The following BTBD16 variants were observed in gnomAD, a reference collection of about 807,000 sequenced individuals.
The protein encoded by BTBD16 is BTB/POZ domain-containing protein 16.
In BTBD16, 66 loss-of-function variants were observed where a neutral mutation model predicts 67.4. That is an observed-to-expected ratio of 0.98 (90% confidence interval 0.80 to 1.20). The LOEUF (loss-of-function observed/expected upper bound fraction) is 1.20, where lower values mean the gene tolerates loss of function less well. Among genes scored for constraint, BTBD16 ranks in the 50% most tolerant of loss-of-function variants. The probability of loss-of-function intolerance (pLI) is 0.00; values close to 1 mark genes in which losing one functional copy is unlikely to be tolerated. For synonymous variants in BTBD16, 242 were observed against 236.4 expected, an observed-to-expected ratio of 1.02 and a Z score of -0.22; for missense variants, 634 against 616.0, an observed-to-expected ratio of 1.03 and a Z score of -0.31.
chr10:122,303,712 C>T, intron 9 of BTBD16: 1 of 851,882 alleles, frequency 1.2e-6, no homozygotes, highest in South Asian at 5.4e-5. Flanking sequence ...AGAACAATTA[C>T]CATTTACATT....
intron 10 of BTBD16, chr10:122,328,675 G>A (rs1269680531): frequency 1.2e-6 from 1 of 835,138 alleles, no homozygotes; most frequent in Non-Finnish European, 1.4e-6. Context: ...CCTTGAGGGA[G>A]TGACTGCATT....
At chr10:122,325,589 G>A (rs985429416) in intron 10 of BTBD16, among the ~76,000 whole-genome samples, 1 of 152,110 alleles carries the variant, frequency 6.6e-6, no homozygotes, top group African/African-American at 2.4e-5. Flanking sequence ...ATGATGTGGG[G>A]GTGGCAGCAG....
Position 122,326,657 on chromosome 10 carries a change from C to T in BTBD16, c.912-2823C>T, listed in dbSNP as rs1373263332. Among the ~76,000 whole-genome samples, 3 of 152,266 alleles carry T rather than the reference C, an allele frequency of 2.0e-5. No individual in the cohort carries two copies. In the East Asian group the frequency reaches 5.8e-4, roughly 29 times the overall value. On this transcript the variant is annotated intron_variant, in intron 10 of 15. Coordinates refer to ENST00000260723, the MANE Select transcript of BTBD16 (RefSeq NM_144587.5). The stretch of plus-strand genomic sequence containing the variant: ...TACCCATCAGAGGGAGACTTGTCCC[C>T]AGGTACTGTCTTTCCGAGTCTATGG...
rs143927279 is a variant in BTBD16, at chr10:122,297,152, G to C, written c.591-616G>C. ...AACCCTTAACATGACTGCCAAATGT[G>C]GTTATCTGTCTGAAAGTTGACTTAA... On this transcript the variant is annotated intron_variant, in intron 7 of 15. Coordinates refer to ENST00000260723, the MANE Select transcript of BTBD16 (RefSeq NM_144587.5). 6.8e-3 allele frequency among the ~76,000 whole-genome samples: 1,038 copies of C among 152,286 alleles called. 7 individuals carry two copies. The highest frequency in any genetic ancestry group is 0.012 in the Non-Finnish European group (803 of 68,032).
intron 10 of BTBD16, among the ~76,000 whole-genome samples, chr10:122,308,465 G>A (rs1252546987): frequency 6.6e-6 from 1 of 152,086 alleles, no homozygotes; most frequent in Non-Finnish European, 1.5e-5. Flanking sequence ...TTTCTTCGTT[G>A]GAAACCATTT....
intron 10 of BTBD16, among the ~76,000 whole-genome samples, chr10:122,308,982 G>T (rs2096408623): frequency 6.6e-6 from 1 of 152,160 alleles, no homozygotes; most frequent in Admixed American, 6.5e-5. Context: ...GAGCTGCTCT[G>T]CCCAGCCCCT....
intron 10 of BTBD16, among the ~76,000 whole-genome samples, chr10:122,313,556 C>T (rs1211836909): frequency 1.3e-5 from 2 of 152,196 alleles, no homozygotes; most frequent in Non-Finnish European, 1.5e-5. Context: ...AGCCACTGGG[C>T]CTGGCCTATA....
chr10:122,323,542 G>A (rs978359238), intron 10 of BTBD16, among the ~76,000 whole-genome samples: 2 of 152,184 alleles, frequency 1.3e-5, no homozygotes, highest in Non-Finnish European at 2.9e-5. Context: ...AAATTGGTCA[G>A]TATTATTAGA....
At chr10:122,333,728 A>T (rs2096458543) in intron 13 of BTBD16, among the ~76,000 whole-genome samples, 1 of 152,148 alleles carries the variant, frequency 6.6e-6, no homozygotes, top group Admixed American at 6.5e-5. Context: ...AGCCATGTGC[A>T]GCCTAAATAT....
chr10:122,326,249 A>G (rs1449476357), intron 10 of BTBD16, among the ~76,000 whole-genome samples: 1 of 152,158 alleles, frequency 6.6e-6, no homozygotes, highest in Non-Finnish European at 1.5e-5. Context: ...TGTTCAGTTC[A>G]GTGGCGTTAA....
intron 14 of BTBD16, 124 bp from the exon 15 acceptor site, chr10:122,336,370 G>T (rs2096463207): frequency 1.2e-6 from 1 of 808,370 alleles, no homozygotes; most frequent in Non-Finnish European, 1.8e-6. Flanking sequence ...GGTGCCAATT[G>T]GGAAATGCCC....
intron 5 of BTBD16, among the ~76,000 whole-genome samples, chr10:122,289,514 A>G (rs2096369888): frequency 6.6e-6 from 1 of 152,134 alleles, no homozygotes; most frequent in African/African-American, 2.4e-5. Flanking sequence ...TGAGGCTGGC[A>G]GATCACCTGA....
At chr10:122,332,387 C>T (rs372654405) in intron 12 of BTBD16, 49 bp from the exon 13 acceptor site, 10 of 1,578,164 alleles carry the variant, frequency 6.3e-6, no homozygotes, top group South Asian at 1.1e-5. Flanking sequence ...GAGAGGCGCT[C>T]GTGTCCAGAG....
At chr10:122,326,892 C>A (rs887176890) in intron 10 of BTBD16, among the ~76,000 whole-genome samples, 1 of 152,216 alleles carries the variant, frequency 6.6e-6, no homozygotes, top group East Asian at 1.9e-4. Context: ...AGCGCAGTAC[C>A]AGGGAAACCA....
intron 9 of BTBD16, among the ~76,000 whole-genome samples, chr10:122,304,922 T>TC (rs2096400907): frequency 6.6e-6 from 1 of 152,120 alleles, no homozygotes; most frequent in Non-Finnish European, 1.5e-5. Flanking sequence ...CTGCACAGGC[T>TC]CTGGAGCTAG....
At chr10:122,278,511 G>T (rs1035263092) in intron 3 of BTBD16, among the ~76,000 whole-genome samples, 1 of 152,210 alleles carries the variant, frequency 6.6e-6, no homozygotes, top group Admixed American at 6.5e-5. Context: ...TTAGTAAACA[G>T]AACTATTTTC....
chr10:122,335,386 C>T (rs1418376541), intron 14 of BTBD16, among the ~76,000 whole-genome samples: 1 of 152,224 alleles, frequency 6.6e-6, no homozygotes, highest in Non-Finnish European at 1.5e-5. Flanking sequence ...GCAAAGCAGG[C>T]TGTGGGCAGG....
At chr10:122,332,931 T>C (rs2096457553) in intron 13 of BTBD16, 5 of 985,300 alleles carry the variant, frequency 5.1e-6, no homozygotes, top group Non-Finnish European at 6.0e-6. Flanking sequence ...GTGAACTCAG[T>C]CTGGGCAGCT....
chr10:122,322,612 C>G (rs2096437520), intron 10 of BTBD16, among the ~76,000 whole-genome samples: 1 of 152,198 alleles, frequency 6.6e-6, no homozygotes, highest in Non-Finnish European at 1.5e-5. Context: ...ATGTGAGAAG[C>G]AGCCCATTGC....
Sources: gnomAD v4.1 joint callset for allele counts (sites outside exome capture counted in the v4.1 genomes callset) on GRCh38, gnomAD v4.1.1 for gene constraint, MANE v1.5 for transcripts, NCBI Gene and HGNC (gene_info 2026-07-23, HGNC 2026-07-21) for gene names.